GPHN: variants seen among roughly 807,000 people sequenced by gnomAD.
GPHN encodes the protein gephyrin.
Under a neutral mutation model 95.5 loss-of-function variants are expected in GPHN, and 17 were observed. The ratio of observed to expected loss-of-function variants is 0.18; its 90% CI spans 0.12 to 0.27. GPHN has a LOEUF of 0.27. Among genes scored for constraint, GPHN ranks in the 10% least tolerant of loss-of-function variants. The pLI, the probability that GPHN is intolerant of heterozygous loss-of-function variation, is 1.00. For synonymous variants in GPHN, 320 were observed against 322.5 expected, an observed-to-expected ratio of 0.99 and a Z score of 0.08; for missense variants, 660 against 978.1, an observed-to-expected ratio of 0.67 and a Z score of 4.34.
the GPHN span, chr14:67,620,852 C>T: frequency 6.2e-7 from 1 of 1,608,252 alleles, no homozygotes; most frequent in Non-Finnish European, 8.5e-7. Flanking sequence ...TTTTTTCCGA[C>T]ACCTTCTCTA....
chr14:66,584,424 G>C (rs1018331971), intron 1 of GPHN, among the ~76,000 whole-genome samples: 3 of 152,062 alleles, frequency 2.0e-5, no homozygotes, highest in African/African-American at 7.2e-5. Flanking sequence ...CCAACACTAT[G>C]TTGAATAGGA....
intron 2 of GPHN, chr14:66,760,689 A>G (rs1217271644): frequency 4.5e-6 from 2 of 443,960 alleles, no homozygotes; most frequent in Non-Finnish European, 8.5e-6. Context: ...AGGTGAACCA[A>G]AGCATTCCAT....
the GPHN span, chr14:67,202,973 C>T: frequency 2.8e-6 from 3 of 1,079,454 alleles, no homozygotes; most frequent in South Asian, 5.4e-5. Context: ...AGTGAAGGAA[C>T]AAATATATCA....
chr14:66,876,541 C>T (rs1176223686), intron 4 of GPHN, among the ~76,000 whole-genome samples: 1 of 152,000 alleles, frequency 6.6e-6, no homozygotes. Context: ...TAAATAGATA[C>T]AATACAAAAT....
At chr14:67,390,393 C>CA in the GPHN span, among the ~76,000 whole-genome samples, 2 of 152,136 alleles carry the variant, frequency 1.3e-5, no homozygotes, top group South Asian at 4.1e-4. Context: ...TGGGGAAGAC[C>CA]AAAAGATGCT....
chr14:67,387,175 C>T, the GPHN span: 43 of 651,020 alleles, frequency 6.6e-5, no homozygotes, highest in Admixed American at 1.4e-3. Flanking sequence ...GGCACCACTG[C>T]TGTTTGTAAT....
chr14:66,983,815 A>C (rs1470655013), intron 9 of GPHN, among the ~76,000 whole-genome samples: 1 of 152,186 alleles, frequency 6.6e-6, no homozygotes, highest in African/African-American at 2.4e-5. Context: ...TAGTAACGTA[A>C]AATTTCTTCC....
At chr14:66,806,644 T>A (rs2060555192) in intron 3 of GPHN, among the ~76,000 whole-genome samples, 1 of 152,188 alleles carries the variant, frequency 6.6e-6, no homozygotes, top group African/African-American at 2.4e-5. Flanking sequence ...TCAAAGTTAT[T>A]GAACTCTCTA....
chr14:67,044,398 C>CT (rs1222637040), intron 10 of GPHN, among the ~76,000 whole-genome samples: 10 of 151,988 alleles, frequency 6.6e-5, no homozygotes, highest in African/African-American at 2.4e-4. Flanking sequence ...GAAACAATGC[C>CT]TTAGCCCGTG....
intron 1 of GPHN, among the ~76,000 whole-genome samples, chr14:66,535,867 A>G (rs921326904): frequency 6.6e-6 from 1 of 152,008 alleles, no homozygotes. Flanking sequence ...TGTATTTCCT[A>G]TGCAAACAAC....
the GPHN span, among the ~76,000 whole-genome samples, chr14:67,220,253 T>C: frequency 5.3e-5 from 8 of 152,008 alleles, no homozygotes; most frequent in African/African-American, 1.4e-4. Context: ...CTGGGCAATA[T>C]GTCAAGACCC....
At chr14:67,431,165 CG>C in the GPHN span, among the ~76,000 whole-genome samples, 1 of 151,862 alleles carries the variant, frequency 6.6e-6, no homozygotes, top group Non-Finnish European at 1.5e-5. Context: ...GAGGCCGAGG[CG>C]GGTGGATCAC....
the GPHN span, chr14:67,577,532 C>T: frequency 1.5e-6 from 1 of 675,922 alleles, no homozygotes; most frequent in Non-Finnish European, 2.6e-6. Flanking sequence ...AAGGAAACTT[C>T]CCAGGGTCCC....
At chr14:67,583,781 C>G in the GPHN span, 1 of 1,612,588 alleles carries the variant, frequency 6.2e-7, no homozygotes. Flanking sequence ...CTGCCAGGCC[C>G]TGGAGGCACA....
chr14:67,112,033 A>G, intron 15 of GPHN, 114 bp downstream of exon 15: 1 of 831,822 alleles, frequency 1.2e-6, no homozygotes, highest in South Asian at 1.4e-5. Flanking sequence ...ATTAATTTTC[A>G]GGGCTTTAAC....
chr14:67,056,061 G>T (rs988483167), intron 10 of GPHN, among the ~76,000 whole-genome samples: 2 of 152,178 alleles, frequency 1.3e-5, no homozygotes, highest in African/African-American at 4.8e-5. Flanking sequence ...AAGATTTATT[G>T]TGAAGAGTGA....
At chr14:67,640,094 C>CA in the GPHN span, among the ~76,000 whole-genome samples, 9 of 152,020 alleles carry the variant, frequency 5.9e-5, no homozygotes, top group Non-Finnish European at 1.0e-4. Flanking sequence ...TGACTTTACT[C>CA]AAACCTTTTT....
At chr14:66,863,006 C>T (rs764211528) in intron 4 of GPHN, among the ~76,000 whole-genome samples, 2 of 152,004 alleles carry the variant, frequency 1.3e-5, no homozygotes, top group Non-Finnish European at 2.9e-5. Context: ...ATATAAAGGG[C>T]ATCCACATTG....
At chr14:67,482,344 T>C in the GPHN span, among the ~76,000 whole-genome samples, 1 of 152,200 alleles carries the variant, frequency 6.6e-6, no homozygotes, top group African/African-American at 2.4e-5. Context: ...TAACTGCCCT[T>C]GGTTTTGTCA....
Sources: gnomAD v4.1 joint callset for allele counts (sites outside exome capture counted in the v4.1 genomes callset) on GRCh38, gnomAD v4.1.1 for gene constraint, MANE v1.5 for transcripts, NCBI Gene and HGNC (gene_info 2026-07-23, HGNC 2026-07-21) for gene names.